LIPT2: variants seen among roughly 807,000 people sequenced by gnomAD.
LIPT2 encodes lipoyl(octanoyl) transferase 2.
In LIPT2, 16 loss-of-function variants were observed where a neutral mutation model predicts 16.2. That is an observed-to-expected ratio of 0.99 (90% CI 0.67 to 1.50). The LOEUF is 1.50. LIPT2 is among the 40% of genes most tolerant of loss of function. The pLI is 0.00. For missense variants in LIPT2, 424 were observed against 347.7 expected (o/e 1.22, Z -1.75); for synonymous variants, 199 against 169.3 (o/e 1.18, Z -1.36).
In LIPT2 at chr11:74,493,476, C is replaced by G. The variant is rs965859325; in HGVS notation, c.228G>C (p.Leu76Phe). ...GGCCTGTGACGCGCACCTCGGCGCC[C>G]AAGGCCCGTAGCCGCGCAGTTTCCT... is the stretch of plus-strand genomic sequence containing the variant. ...TPEETARLRALGAEVRVTGRG... is the reference protein window; with the variant it reads ...TPEETARLRAFGAEVRVTGRG... The change falls in exon 1 of 2, where the codon TTG becomes TTC. Residue 76 changes from leucine (L) to phenylalanine (F), a missense_variant. Transcript: ENST00000310109. 4.1e-6 allele frequency: 6 copies of G among 1,475,928 alleles called. No homozygotes were observed. In the African/African-American group the frequency reaches 5.9e-5, roughly 14 times the overall value. 91.4% of individuals were successfully genotyped at this position (1,475,928 alleles called of 1,614,324 possible).
In LIPT2 at chr11:74,493,699, C is replaced by A. The variant is rs376856991; in HGVS notation, c.5G>T (p.Arg2Leu). 3 of 1,377,418 alleles carry A rather than the reference C, an allele frequency of 2.2e-6. No individual in the cohort carries two copies. Among genetic ancestry groups the A allele is most frequent in the Non-Finnish European group, 1.9e-6 (2 of 1,071,446 alleles). The allele number at this position is 1,377,418 out of a possible 1,614,324, so 85.3% of individuals were successfully genotyped here. Residue 2 changes from arginine to leucine, a missense_variant, in exon 1 of 2, where the codon CGG (arginine) becomes CTG (leucine). Transcript: ENST00000310109. The part of the protein sequence containing the change: M[R>L]QPAVRLVRLG... Reference sequence around the variant, plus strand: ...GCGCACCAACCGAACGGCGGGTTGCCGCATCGTGCCCACCGTTGCGTCCGC... The same window carrying A: ...GCGCACCAACCGAACGGCGGGTTGCAGCATCGTGCCCACCGTTGCGTCCGC...
rs976625947 is a variant in LIPT2 at position 74,493,270 on chromosome 11, A to G, written c.434T>C (p.Val145Ala). ...ARARPPPYTGVWLDDRKICAI... is the reference protein window; with the variant it reads ...ARARPPPYTGAWLDDRKICAI... ...GCAGATCTTGCGATCGTCTAGCCAGACGCCAGTGTAGGGCGGGGGCCGCGC... is the reference window on the plus strand; with the variant it reads ...GCAGATCTTGCGATCGTCTAGCCAGGCGCCAGTGTAGGGCGGGGGCCGCGC... Residue 145 changes from valine to alanine, a missense_variant, in exon 1 of 2, where the codon GTC becomes GCC. By Grantham distance (64) the Val-to-Ala change is moderately conservative. Coordinates refer to ENST00000310109, the MANE Select transcript of LIPT2 (RefSeq NM_001144869.3). The G allele has an allele frequency of 2.1e-5, 29 of 1,375,698 alleles. No homozygotes were observed. In the African/African-American group the frequency reaches 3.6e-4, roughly 17 times the overall value. The allele number at this position is 1,375,698 out of a possible 1,614,324, so 85.2% of individuals were successfully genotyped here.
At chr11:74,493,076 G>A in intron 1 of LIPT2, 162 bp downstream of exon 1, 1 of 439,572 alleles carries the variant, frequency 2.3e-6, no homozygotes, top group Non-Finnish European at 3.9e-6. Context: ...CTGAAAAGGG[G>A]CTTAAAAACT....
Position 74,492,296 on chromosome 11 carries a change from A to AC in LIPT2, c.534dup (p.Phe179ValfsTer2). 2 of 1,551,808 alleles carry AC rather than the reference A, an allele frequency of 1.3e-6. No homozygotes were observed. The highest frequency in any genetic ancestry group is 1.7e-6 in the Non-Finnish European group (2 of 1,147,002). ...AGTCCACAGGGCACGATGTGCTCAA[A>AC]CCACGTGAGGTCGGTAGAGCAGTTG... On this transcript the variant is annotated frameshift_variant, in exon 2 of 2. Transcript: ENST00000310109. LOFTEE classifies it high-confidence loss of function.
In LIPT2 at chr11:74,493,721, C is replaced by T; in HGVS notation, c.-18G>A. ...TGCCGCATCGTGCCCACCGTTGCGT[C>T]CGCGGGGCCCCGCCCTCTCCGTGGG... On this transcript the variant is annotated 5_prime_UTR_variant, in exon 1 of 2. Transcript: ENST00000310109. 5.2e-6 allele frequency: 7 copies of T among 1,345,452 alleles called. No individual in the cohort carries two copies. Among genetic ancestry groups the T allele is most frequent in the East Asian group, 3.1e-5 (1 of 32,294 alleles). 83.3% of individuals were successfully genotyped at this position (1,345,452 alleles called of 1,614,324 possible).
exon 1 of LIPT2, chr11:74,493,719 GTCCGCGGGGCCCCGCCCTC>G: frequency 7.4e-7 from 1 of 1,351,356 alleles, no homozygotes; most frequent in Non-Finnish European, 9.4e-7. Context: ...CCACCGTTGC[GTCCGCGGGGCCCCGCCCTC>G]TCCGTGGGCC....
chr11:74,493,581 C>G lies in LIPT2; in HGVS notation c.123G>C (p.Gly41=). The change falls in exon 1 of 2, where the codon GGG becomes GGC. Residue 41 remains glycine (G), a synonymous_variant. Coordinates refer to ENST00000310109, the MANE Select transcript of LIPT2 (RefSeq NM_001144869.3). Reference sequence around the variant, plus strand: ...AGAGCAGGAGCGCGCCCGCCTCAGTCCCCGACGGGGCCTCAATGCCTGGCT... The same window carrying G: ...AGAGCAGGAGCGCGCCCGCCTCAGTGCCCGACGGGGCCTCAATGCCTGGCT... ...QAEPGIEAPS[G]TEAGALLLCE... is the part of the protein sequence containing the mutation. 1 of 1,451,054 alleles carries G rather than the reference C, an allele frequency of 6.9e-7. No individual in the cohort carries two copies. Among genetic ancestry groups the G allele is most frequent in the Non-Finnish European group, 9.0e-7 (1 of 1,107,152 alleles). 89.9% of individuals were successfully genotyped at this position (1,451,054 alleles called of 1,614,324 possible). A position where few individuals can be genotyped will look rare whatever the true frequency, so the allele number is the denominator to read the frequency against.
At position 74,491,898 on chromosome 11, in the gene LIPT2, T is replaced by G; in HGVS notation, c.*237A>C. On this transcript the variant is annotated 3_prime_UTR_variant, in exon 2 of 2. Transcript: ENST00000310109. ...TGCTGTCAATAGCAGTGCTAATGTT[T>G]TATATAGCATGTGTTGCTTTTCACA... 3.8e-6 allele frequency: 2 copies of G among 526,074 alleles called. No homozygotes were observed. The highest frequency in any genetic ancestry group is 2.2e-5 in the South Asian group (1 of 45,714). The allele number at this position is 526,074 out of a possible 1,614,324, so 32.6% of individuals were successfully genotyped here.
chr11:74,493,432 AAGGTGGCCAGGCCACCGCGGC>A lies in LIPT2; in HGVS notation c.251_271del (p.Gly84_Phe91delinsVal), dbSNP rs1276488797. ...GCAAAGCAGCTGGCCCGGGCCGTGG[AAGGTGGCCAGGCCACCGCGGC>A]CTGTGACGCGCACCTCGGCGCCCAA... On this transcript the variant is annotated inframe_deletion, in exon 1 of 2. Transcript: ENST00000310109. 2 of 1,505,678 alleles carry A rather than the reference AAGGTGGCCAGGCCACCGCGGC, an allele frequency of 1.3e-6. No individual in the cohort carries two copies. The highest frequency in any genetic ancestry group is 1.8e-6 in the Non-Finnish European group (2 of 1,134,194). The allele number at this position is 1,505,678 out of a possible 1,614,324, so 93.3% of individuals were successfully genotyped here.
chr11:74,492,372 GC>G lies in LIPT2; in HGVS notation c.467-9del, dbSNP rs1333689462. The G allele has an allele frequency of 6.5e-7, 1 of 1,543,212 alleles. No individual in the cohort carries two copies. ...GCCTTCCACAGCGGACTCCTGCAAG[GC>G]AAGCCAAAGGGTCTTAGAGTAGATA... On this transcript the variant is annotated splice_polypyrimidine_tract_variant and intron_variant, in intron 1 of 1. Transcript: ENST00000310109.
At position 74,492,343 on chromosome 11, in the gene LIPT2, A is replaced by T; in HGVS notation, c.488T>A (p.Ile163Asn). ...GTTGAGAGCCAGGCCGTGGGATGTG[A>T]TGTGCCTTCCACAGCGGACTCCTGC... ...CAIGVRCGRH[I>N]TSHGLALNCS... is the part of the protein sequence containing the mutation. Residue 163 changes from isoleucine to asparagine, a missense_variant, in exon 2 of 2, where the codon ATC becomes AAC. Ile to Asn is a moderately radical substitution (Grantham distance 149, BLOSUM62 -3). Transcript: ENST00000310109. The T allele has an allele frequency of 6.4e-7, 1 of 1,551,624 alleles. No homozygotes were observed. The highest frequency in any genetic ancestry group is 8.7e-7 in the Non-Finnish European group (1 of 1,146,854).
In LIPT2 at chr11:74,493,314, C is replaced by A; in HGVS notation, c.390G>T (p.Gln130His). ...EACAVRLCEL[Q>H]GLQDARARPP... is the part of the protein sequence containing the mutation. ...GCCGCGCGCGGGCGTCCTGCAGGCC[C>A]TGGAGCTCGCACAGGCGCACGGCGC... is the stretch of plus-strand genomic sequence containing the variant. Residue 130 changes from glutamine (Q) to histidine (H), a missense_variant, in exon 1 of 2, where the codon CAG (glutamine) becomes CAT (histidine). Coordinates refer to ENST00000310109, the MANE Select transcript of LIPT2 (RefSeq NM_001144869.3). 1.4e-6 allele frequency: 2 copies of A among 1,463,064 alleles called. No homozygotes were observed. Among genetic ancestry groups the A allele is most frequent in the Non-Finnish European group, 1.8e-6 (2 of 1,110,394 alleles). The allele number at this position is 1,463,064 out of a possible 1,614,324, so 90.6% of individuals were successfully genotyped here. A position where few individuals can be genotyped will look rare whatever the true frequency, so the allele number is the denominator to read the frequency against.
In LIPT2 at chr11:74,493,515, G is replaced by T. The variant is rs1591247193; in HGVS notation, c.189C>A (p.Gly63=). ...GCGCAGTTTCCTCGGGCGTCAGGCCGCCGCGCAGCCCGGCCGTATACACGG... is the reference window on the plus strand; with the variant it reads ...GCGCAGTTTCCTCGGGCGTCAGGCCTCCGCGCAGCCCGGCCGTATACACGG... ...AGPVYTAGLR[G]GLTPEETARL... Residue 63 remains glycine (G), a synonymous_variant, in exon 1 of 2, where the codon GGC becomes GGA. Coordinates refer to ENST00000310109, the MANE Select transcript of LIPT2 (RefSeq NM_001144869.3). 7.0e-7 allele frequency: 1 copy of T among 1,423,168 alleles called. No individual in the cohort carries two copies. The highest frequency in any genetic ancestry group is 9.1e-7 in the Non-Finnish European group (1 of 1,094,494). 88.2% of individuals were successfully genotyped at this position (1,423,168 alleles called of 1,614,324 possible). A position where few individuals can be genotyped will look rare whatever the true frequency, so the allele number is the denominator to read the frequency against.
At position 74,491,819 on chromosome 11, in the gene LIPT2, G is replaced by T. The variant is rs565524048; in HGVS notation, c.*316C>A. The T allele has an allele frequency of 1.9e-4, 59 of 316,754 alleles. 3 individuals are homozygous for T. Among genetic ancestry groups the T allele is most frequent in the South Asian group, 8.9e-4 (27 of 30,358 alleles). The allele number at this position is 316,754 out of a possible 1,614,324, so 19.6% of individuals were successfully genotyped here. A position where few individuals can be genotyped will look rare whatever the true frequency, so the allele number is the denominator to read the frequency against. On this transcript the variant is annotated 3_prime_UTR_variant, in exon 2 of 2. Transcript: ENST00000310109. ...CAACAATTGAGAAATGACAATCTATGACATCAACAATCGAGAAATAACAAT... is the reference window on the plus strand; with the variant it reads ...CAACAATTGAGAAATGACAATCTATTACATCAACAATCGAGAAATAACAAT...
At position 74,492,380 on chromosome 11, in the gene LIPT2, A is replaced by C. The variant is rs147091515; in HGVS notation, c.467-16T>G. 6.5e-7 allele frequency: 1 copy of C among 1,533,326 alleles called. No homozygotes were observed. The highest frequency in any genetic ancestry group is 1.4e-5 in the African/African-American group (1 of 72,654). The allele number at this position is 1,533,326 out of a possible 1,614,324, so 95.0% of individuals were successfully genotyped here. On this transcript the variant is annotated splice_polypyrimidine_tract_variant and intron_variant, in intron 1 of 1. Transcript: ENST00000310109. ...CAGCGGACTCCTGCAAGGCAAGCCA[A>C]AGGGTCTTAGAGTAGATACCCTCCA...
rs936619738 is a variant in LIPT2 at position 74,493,295 on chromosome 11, C to T, written c.409G>A (p.Ala137Thr). 7.7e-6 allele frequency: 11 copies of T among 1,421,832 alleles called. No homozygotes were observed. Among genetic ancestry groups the T allele is most frequent in the African/African-American group, 3.0e-5 (2 of 66,970 alleles). 88.1% of individuals were successfully genotyped at this position (1,421,832 alleles called of 1,614,324 possible). A position where few individuals can be genotyped will look rare whatever the true frequency, so the allele number is the denominator to read the frequency against. The change falls in exon 1 of 2, where the codon GCG becomes ACG. Residue 137 changes from alanine to threonine, a missense_variant. Ala to Thr is a moderately conservative substitution (Grantham distance 58). Coordinates refer to ENST00000310109, the MANE Select transcript of LIPT2 (RefSeq NM_001144869.3). The stretch of plus-strand genomic sequence containing the variant: ...ACGCCAGTGTAGGGCGGGGGCCGCG[C>T]GCGGGCGTCCTGCAGGCCCTGGAGC... Reference protein sequence around the residue: ...CELQGLQDARARPPPYTGVWL... With the variant: ...CELQGLQDARTRPPPYTGVWL...
chr11:74,492,004 G>A lies in LIPT2; in HGVS notation c.*131C>T. ...ATACATATGAAAATAGTGGCTCAGA[G>A]CTCATGGTATGTCCTTAGTTTCATG... On this transcript the variant is annotated 3_prime_UTR_variant, in exon 2 of 2. Coordinates refer to ENST00000310109, the MANE Select transcript of LIPT2 (RefSeq NM_001144869.3). 1.5e-6 allele frequency: 1 copy of A among 652,886 alleles called. No homozygotes were observed. Among genetic ancestry groups the A allele is most frequent in the Non-Finnish European group, 2.7e-6 (1 of 365,244 alleles). The allele number at this position is 652,886 out of a possible 1,614,324, so 40.4% of individuals were successfully genotyped here.
chr11:74,492,889 G>A (rs191647875), intron 1 of LIPT2, among the ~76,000 whole-genome samples: 1 of 130,278 alleles, frequency 7.7e-6, no homozygotes, highest in Non-Finnish European at 1.6e-5. Context: ...GGGTGACAAA[G>A]CGAGACTCTG....
rs1427679576 is a variant in LIPT2, at chr11:74,492,062, G to A, written c.*73C>T. On this transcript the variant is annotated 3_prime_UTR_variant, in exon 2 of 2. Coordinates refer to ENST00000310109, the MANE Select transcript of LIPT2 (RefSeq NM_001144869.3). ...AATGACAGGCCAGGTCTAAAATCTG[G>A]GTTTCAGTAGGTGACTCAAGTCAGA... 7.0e-6 allele frequency: 8 copies of A among 1,142,188 alleles called. No homozygotes were observed. In the East Asian group the frequency reaches 2.1e-4, roughly 29 times the overall value. The allele number at this position is 1,142,188 out of a possible 1,614,324, so 70.8% of individuals were successfully genotyped here.
Sources: allele counts gnomAD v4.1 joint callset (sites outside exome capture counted in the v4.1 genomes callset), GRCh38; gene constraint gnomAD v4.1.1; transcripts MANE v1.5; gene names NCBI Gene and HGNC (gene_info 2026-07-23, HGNC 2026-07-21).